Variants in DCC observed in about 807,000 individuals in gnomAD.
DCC encodes the protein DCC netrin 1 receptor.
Under a neutral mutation model 172.5 loss-of-function variants are expected in DCC, and 58 were observed. The observed-to-expected ratio is 0.34, with a 90% CI of 0.27 to 0.42. The LOEUF (loss-of-function observed/expected upper bound fraction) is 0.42, where lower values mean the gene tolerates loss of function less well. Ranked by LOEUF, DCC falls within the 10% of genes least tolerant of loss-of-function variation. The probability of loss-of-function intolerance (pLI) is 1.00; values close to 1 mark genes in which losing one functional copy is unlikely to be tolerated. For synonymous variants in DCC, 709 were observed against 644.5 expected (o/e 1.10, Z -1.52); for missense variants, 1,740 against 1,791.0 (o/e 0.97, Z 0.51).
chr18:52,927,764 T>C (rs982841908), intron 5 of DCC, among the ~76,000 whole-genome samples: 1 of 152,022 alleles, frequency 6.6e-6, no homozygotes, highest in African/African-American at 2.4e-5. Flanking sequence ...AAATAACAGA[T>C]ATTGCCGGGG....
In DCC at chr18:53,351,409, A is replaced by ATATACAG. The variant is rs1568075157; in HGVS notation, c.2359+11506_2359+11507insCAGTATA. Among the ~76,000 whole-genome samples the ATATACAG allele has an allele frequency of 2.6e-3, 38 of 14,618 alleles. 2 individuals are homozygous for ATATACAG. Among genetic ancestry groups the ATATACAG allele is most frequent in the African/African-American group, 4.7e-3 (16 of 3,394 alleles). The allele number at this position is 14,618 out of a possible 152,430, so 9.6% of individuals were successfully genotyped here. On this transcript the variant is annotated intron_variant, in intron 15 of 28. Coordinates refer to ENST00000442544, the MANE Select transcript of DCC (RefSeq NM_005215.4). ...GTATATATATATACAGTGTATATAT[A>ATATACAG]TATATATACACACTGTGTATATATA... is the stretch of plus-strand genomic sequence containing the variant.
In DCC at chr18:53,201,463, T is replaced by G. The variant is rs529549364; in HGVS notation, c.1574-3753T>G. Among the ~76,000 whole-genome samples the G allele has an allele frequency of 9.2e-5, 14 of 152,336 alleles. No homozygotes were observed. In the South Asian group the frequency reaches 2.9e-3, roughly 32 times the overall value. Reference sequence around the variant, plus strand: ...CTTAACAGGTCATTCAGTCTCAATGTTCTCGTTCCTTTCTCTGCCTTCTGT... The same window carrying G: ...CTTAACAGGTCATTCAGTCTCAATGGTCTCGTTCCTTTCTCTGCCTTCTGT... On this transcript the variant is annotated intron_variant, in intron 9 of 28. Transcript: ENST00000442544.
intron 1 of DCC, among the ~76,000 whole-genome samples, chr18:52,557,183 T>C (rs539278564): frequency 1.3e-5 from 2 of 152,326 alleles, no homozygotes; most frequent in South Asian, 4.2e-4. Flanking sequence ...GCAAATCCAG[T>C]GTATGAAAAC....
At chr18:53,018,639 G>A (rs2041840222) in intron 5 of DCC, among the ~76,000 whole-genome samples, 1 of 152,098 alleles carries the variant, frequency 6.6e-6, no homozygotes, top group Admixed American at 6.5e-5. Context: ...GGTTTATTAT[G>A]TTGCATAGAA....
At chr18:52,496,899 G>GA (rs199795730) in intron 1 of DCC, among the ~76,000 whole-genome samples, 80 of 150,878 alleles carry the variant, frequency 5.3e-4, no homozygotes, top group African/African-American at 1.3e-3. Context: ...TCTTTCACAT[G>GA]AAAAAAAACA....
chr18:53,482,609 A>G (rs961020513), intron 25 of DCC, among the ~76,000 whole-genome samples: 1 of 152,108 alleles, frequency 6.6e-6, no homozygotes, highest in Non-Finnish European at 1.5e-5. Flanking sequence ...ACATTTGTTA[A>G]TAATATTATT....
intron 19 of DCC, among the ~76,000 whole-genome samples, chr18:53,410,086 T>A (rs1374506114): frequency 2.6e-5 from 4 of 152,222 alleles, no homozygotes; most frequent in Non-Finnish European, 5.9e-5. Context: ...ATTGTTTATT[T>A]TCATCATTGG....
At chr18:52,726,023 CAGAG>C (rs2036546481) in intron 1 of DCC, among the ~76,000 whole-genome samples, 1 of 152,144 alleles carries the variant, frequency 6.6e-6, no homozygotes, top group South Asian at 2.1e-4. Context: ...AATGGAAGGA[CAGAG>C]AGATTAAACT....
chr18:53,057,079 T>TAAAAAAAA (rs11316527), intron 5 of DCC, among the ~76,000 whole-genome samples: 306 of 89,116 alleles, frequency 3.4e-3, no homozygotes, highest in East Asian at 5.8e-3. Context: ...CTTCTAAAAG[T>TAAAAAAAA]AAAAAAAAAA....
intron 5 of DCC, among the ~76,000 whole-genome samples, chr18:53,033,471 T>C (rs2042051602): frequency 6.6e-6 from 1 of 152,166 alleles, no homozygotes; most frequent in Non-Finnish European, 1.5e-5. Context: ...TTGCTTTCCA[T>C]TTCACTGAGA....
intron 1 of DCC, among the ~76,000 whole-genome samples, chr18:52,600,585 T>G (rs898534903): frequency 2.6e-5 from 4 of 152,234 alleles, no homozygotes; most frequent in Non-Finnish European, 1.5e-5. Context: ...ATAGATCGAT[T>G]TAAGTACACT....
chr18:52,769,664 A>AC (rs2037308493), intron 2 of DCC, among the ~76,000 whole-genome samples: 1 of 152,098 alleles, frequency 6.6e-6, no homozygotes, highest in South Asian at 2.1e-4. Context: ...CCATCTCTAT[A>AC]CCCAAGATCA....
chr18:52,636,386 G>A (rs1159511492), intron 1 of DCC, among the ~76,000 whole-genome samples: 2 of 82 alleles, frequency 0.024, no homozygotes, highest in African/African-American at 0.056. Context: ...CCACAGGCAG[G>A]GGAAAACCAA....
At chr18:53,369,532 G>A (rs1410942022) in intron 15 of DCC, among the ~76,000 whole-genome samples, 1 of 151,850 alleles carries the variant, frequency 6.6e-6, no homozygotes, top group Non-Finnish European at 1.5e-5. Context: ...GAGTAGAAGT[G>A]TTGAAAGTGG....
chr18:52,455,490 T>C (rs113513424), intron 1 of DCC, among the ~76,000 whole-genome samples: 85 of 152,338 alleles, frequency 5.6e-4, no homozygotes, highest in African/African-American at 1.8e-3. Flanking sequence ...CCTGGAACAA[T>C]GGTTTCTGCA....
chr18:52,427,847 C>CTTT (rs1555681286), intron 1 of DCC, among the ~76,000 whole-genome samples: 29,904 of 115,568 alleles, frequency 0.26, 4,347 homozygotes, highest in East Asian at 0.5. Flanking sequence ...TTCCTTCCTT[C>CTTT]CTTCCTTCCT....
intron 9 of DCC, among the ~76,000 whole-genome samples, chr18:53,204,213 A>G (rs2055589694): frequency 6.6e-6 from 1 of 151,916 alleles, no homozygotes; most frequent in African/African-American, 2.4e-5. Context: ...CACAGATACT[A>G]TGTTACTTTT....
chr18:52,997,477 G>A (rs1599012672), intron 5 of DCC, among the ~76,000 whole-genome samples: 2 of 152,048 alleles, frequency 1.3e-5, no homozygotes, highest in African/African-American at 4.8e-5. Context: ...CTCCATTCAG[G>A]ATTCACATAT....
intron 8 of DCC, among the ~76,000 whole-genome samples, chr18:53,165,152 T>C (rs2054897735): frequency 6.6e-6 from 1 of 152,174 alleles, no homozygotes; most frequent in African/African-American, 2.4e-5. Flanking sequence ...GACTGGTATC[T>C]TCATTTTGCA....
Sources: gnomAD v4.1 joint callset for allele counts (sites outside exome capture counted in the v4.1 genomes callset) on GRCh38, gnomAD v4.1.1 for gene constraint, MANE v1.5 for transcripts, NCBI Gene and HGNC (gene_info 2026-07-23, HGNC 2026-07-21) for gene names.